Variants in CTNNA2 observed in about 807,000 individuals in gnomAD.
CTNNA2 encodes the protein catenin alpha 2.
CTNNA2 carries 42 observed loss-of-function variants against 101.0 expected under a neutral mutation model. The ratio of observed to expected loss-of-function variants is 0.42; its 90% CI spans 0.32 to 0.54. The LOEUF is 0.54. CTNNA2 is among the 20% of genes least tolerant of loss of function. The pLI, the probability that CTNNA2 is intolerant of heterozygous loss-of-function variation, is 0.14. For synonymous variants in CTNNA2, 450 were observed against 456.4 expected, an observed-to-expected ratio of 0.99 and a Z score of 0.18; for missense variants, 871 against 1,223.1, an observed-to-expected ratio of 0.71 and a Z score of 4.29.
chr2:80,227,749 G>A (rs1708970060), intron 7 of CTNNA2, among the ~76,000 whole-genome samples: 1 of 152,156 alleles, frequency 6.6e-6, no homozygotes, highest in Non-Finnish European at 1.5e-5. Flanking sequence ...AAGAAACATA[G>A]TGAAGATGAC....
intron 9 of CTNNA2, among the ~76,000 whole-genome samples, chr2:80,516,259 C>A (rs1212424112): frequency 2.0e-5 from 3 of 152,144 alleles, no homozygotes; most frequent in African/African-American, 7.2e-5. Flanking sequence ...GGGTTTTTTT[C>A]TCAGGGCAGA....
At chr2:79,914,451 A>G (rs990101415) in intron 7 of CTNNA2, among the ~76,000 whole-genome samples, 4 of 152,238 alleles carry the variant, frequency 2.6e-5, no homozygotes, top group Non-Finnish European at 4.4e-5. Flanking sequence ...TTAAACTGTT[A>G]CTTCTTTATG....
At chr2:79,759,140 C>T (rs1672600237) in intron 3 of CTNNA2, among the ~76,000 whole-genome samples, 1 of 152,124 alleles carries the variant, frequency 6.6e-6, no homozygotes, top group Non-Finnish European at 1.5e-5. Flanking sequence ...ATGCTTGACA[C>T]TGTATGCCTA....
intron 3 of CTNNA2, among the ~76,000 whole-genome samples, chr2:79,823,203 A>G (rs892895006): frequency 2.6e-5 from 4 of 152,218 alleles, no homozygotes; most frequent in African/African-American, 9.6e-5. Context: ...GGTAAGACCC[A>G]GAAGACCTAA....
chr2:80,342,632 A>T (rs114029020), intron 7 of CTNNA2, among the ~76,000 whole-genome samples: 1 of 152,172 alleles, frequency 6.6e-6, no homozygotes, highest in African/African-American at 2.4e-5. Flanking sequence ...CTGCCACCTA[A>T]TTTTTTTTAA....
At chr2:80,016,740 T>C (rs1377029788) in intron 7 of CTNNA2, among the ~76,000 whole-genome samples, 1 of 152,180 alleles carries the variant, frequency 6.6e-6, no homozygotes, top group Non-Finnish European at 1.5e-5. Context: ...TTTTTATTGA[T>C]TGGTGCTTAA....
At chr2:80,575,211 A>G (rs1277774228) in intron 13 of CTNNA2, 1 of 151,782 alleles carries the variant, frequency 6.6e-6, no homozygotes, top group Non-Finnish European at 1.5e-5. Context: ...GGGCTTCTGC[A>G]GTTCTAATCC....
intron 7 of CTNNA2, among the ~76,000 whole-genome samples, chr2:80,318,490 T>A (rs891465030): frequency 6.6e-6 from 1 of 152,138 alleles, no homozygotes; most frequent in Non-Finnish European, 1.5e-5. Flanking sequence ...AAATTCCTTC[T>A]CTATATAAAG....
At chr2:80,440,267 A>G (rs1386634635) in intron 9 of CTNNA2, among the ~76,000 whole-genome samples, 1 of 152,216 alleles carries the variant, frequency 6.6e-6, no homozygotes, top group Admixed American at 6.5e-5. Context: ...AGAAATCTTA[A>G]CAACCATGGG....
At chr2:79,579,081 C>T (rs1421966172) in intron 1 of CTNNA2, among the ~76,000 whole-genome samples, 1 of 150,608 alleles carries the variant, frequency 6.6e-6, no homozygotes, top group East Asian at 2.0e-4. Flanking sequence ...TCTTCCTCCT[C>T]TTTCTTTCCT....
chr2:80,275,175 G>A (rs999551999), intron 7 of CTNNA2, among the ~76,000 whole-genome samples: 13 of 152,104 alleles, frequency 8.5e-5, no homozygotes, highest in Non-Finnish European at 1.5e-4. Context: ...GTCACATGAA[G>A]ATGTGTTAGT....
intron 7 of CTNNA2, among the ~76,000 whole-genome samples, chr2:80,042,208 A>G (rs1298930668): frequency 6.6e-6 from 1 of 152,142 alleles, no homozygotes; most frequent in Non-Finnish European, 1.5e-5. Flanking sequence ...CAAGGGATCC[A>G]CCTGCCTTGG....
chr2:80,549,210 T>C (rs990356986), intron 11 of CTNNA2, among the ~76,000 whole-genome samples: 10 of 152,358 alleles, frequency 6.6e-5, no homozygotes, highest in African/African-American at 9.6e-5. Context: ...AAAATAAGCA[T>C]CTTGGCATTA....
chr2:79,942,002 T>C (rs1390490125), intron 7 of CTNNA2, among the ~76,000 whole-genome samples: 1 of 152,206 alleles, frequency 6.6e-6, no homozygotes, highest in Non-Finnish European at 1.5e-5. Flanking sequence ...ATTATAATAA[T>C]AACAACCATA....
At chr2:80,518,212 A>G (rs1424702286) in intron 9 of CTNNA2, among the ~76,000 whole-genome samples, 3 of 152,224 alleles carry the variant, frequency 2.0e-5, no homozygotes, top group African/African-American at 7.2e-5. Context: ...ATGAAATATT[A>G]TTTAGTTAAA....
intron 7 of CTNNA2, among the ~76,000 whole-genome samples, chr2:80,335,927 A>T (rs1281045795): frequency 1.3e-5 from 2 of 152,180 alleles, no homozygotes; most frequent in Non-Finnish European, 2.9e-5. Context: ...CAGCTTGTTC[A>T]TGCCACACTG....
At chr2:79,925,929 A>T (rs931394141) in intron 7 of CTNNA2, among the ~76,000 whole-genome samples, 8 of 151,562 alleles carry the variant, frequency 5.3e-5, no homozygotes, top group African/African-American at 1.9e-4. Context: ...TAATTGGGAG[A>T]TATGAATTAT....
chr2:80,200,602 C>A (rs943498147), intron 7 of CTNNA2, among the ~76,000 whole-genome samples: 81 of 152,210 alleles, frequency 5.3e-4, no homozygotes, highest in African/African-American at 1.8e-3. Context: ...ATGGCGTGAT[C>A]CCGGCTCACT....
chr2:80,412,235 C>T (rs1234630585), intron 8 of CTNNA2, among the ~76,000 whole-genome samples: 2 of 152,178 alleles, frequency 1.3e-5, no homozygotes, highest in African/African-American at 4.8e-5. Flanking sequence ...CTGACCTGTG[C>T]GTGCTGGGGC....
Sources: gnomAD v4.1 joint callset for allele counts (sites outside exome capture counted in the v4.1 genomes callset) on GRCh38, gnomAD v4.1.1 for gene constraint, MANE v1.5 for transcripts, NCBI Gene and HGNC (gene_info 2026-07-23, HGNC 2026-07-21) for gene names.